Variants in ADCK1 observed in about 807,000 individuals in gnomAD.
ADCK1 encodes the protein aarF domain containing kinase 1, also known as aarF domain-containing protein kinase 1.
Under a neutral mutation model 52.3 loss-of-function variants are expected in ADCK1, and 41 were observed. The ratio of observed to expected loss-of-function variants is 0.78; its 90% CI spans 0.61 to 1.02. The LOEUF (loss-of-function observed/expected upper bound fraction) is 1.02, where lower values mean the gene tolerates loss of function less well. Among genes scored for constraint, ADCK1 ranks in the 50% least tolerant of loss-of-function variants. ADCK1 has a pLI of 0.00. For missense variants in ADCK1, 658 were observed against 679.5 expected (o/e 0.97, Z 0.35); for synonymous variants, 250 against 274.6 (o/e 0.91, Z 0.89).
chr14:77,899,398 T>C, intron 6 of ADCK1, 140 bp downstream of exon 6: 1 of 1,155,214 alleles, frequency 8.7e-7, no homozygotes, highest in South Asian at 1.5e-5. Flanking sequence ...ATGAATGACA[T>C]CACTGGTGAT....
At chr14:77,874,357 G>A (rs1366691925) in intron 4 of ADCK1, among the ~76,000 whole-genome samples, 1 of 152,242 alleles carries the variant, frequency 6.6e-6, no homozygotes, top group African/African-American at 2.4e-5. Flanking sequence ...CTGCAAATAG[G>A]GTTGCAGGAG....
At chr14:77,911,281 C>T (rs1363137285) in intron 7 of ADCK1, among the ~76,000 whole-genome samples, 1 of 152,216 alleles carries the variant, frequency 6.6e-6, no homozygotes, top group Non-Finnish European at 1.5e-5. Context: ...GTCCTTGCCC[C>T]TCTACCTTCT....
intron 2 of ADCK1, chr14:77,820,888 G>A (rs2081568032): frequency 6.6e-6 from 1 of 151,902 alleles, no homozygotes; most frequent in Admixed American, 6.6e-5. Flanking sequence ...GCTAATTTCT[G>A]TATTTTTAGT....
intron 3 of ADCK1, among the ~76,000 whole-genome samples, chr14:77,857,880 G>C (rs2082454613): frequency 6.6e-6 from 1 of 152,172 alleles, no homozygotes; most frequent in Non-Finnish European, 1.5e-5. Flanking sequence ...CAGGGTACTG[G>C]GGTCCCTTGT....
chr14:77,859,280 G>T lies in ADCK1; in HGVS notation c.423+1G>T. ...CATCCGAGAAGATCTGGGCAAGGAG[G>T]TACCCACCTTTGCAGGGGGGATGGG... On this transcript the variant is annotated splice_donor_variant, in intron 4 of 10. Transcript: ENST00000238561. LOFTEE classifies it high-confidence loss of function. The T allele has an allele frequency of 6.2e-7, 1 of 1,612,486 alleles. No individual in the cohort carries two copies. Among genetic ancestry groups the T allele is most frequent in the East Asian group, 2.2e-5 (1 of 44,812 alleles).
At chr14:77,900,804 C>T (rs577380324) in intron 6 of ADCK1, 1 of 328,970 alleles carries the variant, frequency 3.0e-6, no homozygotes, top group Admixed American at 4.5e-5. Flanking sequence ...AAACTATTCC[C>T]TAACATATCA....
intron 3 of ADCK1, among the ~76,000 whole-genome samples, chr14:77,858,386 G>A (rs1222951449): frequency 6.6e-6 from 1 of 151,954 alleles, no homozygotes. Context: ...ACAGGTGCCC[G>A]CCACCATGCC....
intron 1 of ADCK1, among the ~76,000 whole-genome samples, chr14:77,813,511 A>G (rs1431612991): frequency 6.6e-6 from 1 of 152,050 alleles, no homozygotes; most frequent in Non-Finnish European, 1.5e-5. Context: ...GGGTTTCACC[A>G]TGTTGGCCAG....
At chr14:77,849,878 A>G (rs1194481340) in intron 3 of ADCK1, among the ~76,000 whole-genome samples, 1 of 152,206 alleles carries the variant, frequency 6.6e-6, no homozygotes, top group Admixed American at 6.5e-5. Context: ...GATCTGCTTT[A>G]TGACTCAGAA....
At chr14:77,858,047 G>A (rs975122923) in intron 3 of ADCK1, among the ~76,000 whole-genome samples, 2 of 152,132 alleles carry the variant, frequency 1.3e-5, no homozygotes, top group Admixed American at 6.6e-5. Context: ...TGGAAGGACC[G>A]GTGAGCATCC....
At chr14:77,835,438 A>G (rs2081940835) in intron 3 of ADCK1, among the ~76,000 whole-genome samples, 1 of 152,224 alleles carries the variant, frequency 6.6e-6, no homozygotes, top group African/African-American at 2.4e-5. Context: ...TTCCCATGCA[A>G]CAAAGCCAAA....
intron 3 of ADCK1, among the ~76,000 whole-genome samples, chr14:77,842,421 T>G (rs543299033): frequency 6.8e-6 from 1 of 147,644 alleles, no homozygotes; most frequent in Admixed American, 7.1e-5. Context: ...TGAGGCCTTC[T>G]TCCCTGTATC....
intron 4 of ADCK1, among the ~76,000 whole-genome samples, chr14:77,877,291 A>G (rs1015871028): frequency 2.6e-5 from 4 of 152,164 alleles, no homozygotes; most frequent in Non-Finnish European, 5.9e-5. Context: ...GCTTAGGCAC[A>G]TTTGCTGTGT....
intron 1 of ADCK1, among the ~76,000 whole-genome samples, chr14:77,808,673 T>G (rs1435381152): frequency 2.6e-5 from 4 of 152,164 alleles, no homozygotes; most frequent in Admixed American, 6.6e-5. Context: ...CCTCCTGGGT[T>G]CAAGTGATTC....
rs757475947 is a variant in ADCK1, at chr14:77,887,150, G to A, written c.483G>A (p.Gln161=). Reference sequence around the variant, plus strand: ...CTCTGGGGACGGCCTCCCTGGCCCAGGTCCACAAGGCAGTGCTGCATGATG... The same window carrying A: ...CTCTGGGGACGGCCTCCCTGGCCCAAGTCCACAAGGCAGTGCTGCATGATG... ...DTPLGTASLA[Q]VHKAVLHDGR... The change falls in exon 5 of 11, where the codon CAG becomes CAA. Residue 161 remains glutamine, a synonymous_variant. Transcript: ENST00000238561. 5.0e-6 allele frequency: 8 copies of A among 1,609,284 alleles called. No individual in the cohort carries two copies. In the African/African-American group the frequency reaches 8.0e-5, roughly 16 times the overall value.
chr14:77,903,369 G>A (rs1449542146), intron 6 of ADCK1, among the ~76,000 whole-genome samples: 8 of 152,206 alleles, frequency 5.3e-5, no homozygotes, highest in Admixed American at 4.6e-4. Context: ...TTAAGCCTCC[G>A]CAAAGACTTT....
At chr14:77,826,836 C>T (rs1047706620) in intron 3 of ADCK1, among the ~76,000 whole-genome samples, 1 of 152,130 alleles carries the variant, frequency 6.6e-6, no homozygotes, top group Non-Finnish European at 1.5e-5. Flanking sequence ...CCTTATTAGC[C>T]AGGTGATCAG....
At chr14:77,850,912 C>T (rs557075664) in intron 3 of ADCK1, among the ~76,000 whole-genome samples, 18 of 152,082 alleles carry the variant, frequency 1.2e-4, no homozygotes, top group African/African-American at 4.3e-4. Context: ...GCCTTGGCCT[C>T]CCAAGGTGCT....
At chr14:77,804,457 C>T (rs543312237) in intron 1 of ADCK1, among the ~76,000 whole-genome samples, 5 of 152,236 alleles carry the variant, frequency 3.3e-5, no homozygotes, top group East Asian at 3.9e-4. Context: ...GACATTTGCA[C>T]GAAAACAGGG....
Sources: gnomAD v4.1 joint callset for allele counts (sites outside exome capture counted in the v4.1 genomes callset) on GRCh38, gnomAD v4.1.1 for gene constraint, MANE v1.5 for transcripts, NCBI Gene and HGNC (gene_info 2026-07-23, HGNC 2026-07-21) for gene names.